FAM120B: variants seen among roughly 807,000 people sequenced by gnomAD.
The protein encoded by FAM120B is family with sequence similarity 120 member B.
Under a neutral mutation model 96.3 loss-of-function variants are expected in FAM120B, and 83 were observed. The observed-to-expected ratio is 0.86, with a 90% CI of 0.72 to 1.03. The LOEUF (loss-of-function observed/expected upper bound fraction) is 1.03, where lower values mean the gene tolerates loss of function less well. Among genes scored for constraint, FAM120B ranks in the 50% least tolerant of loss-of-function variants. The probability of loss-of-function intolerance (pLI) is 0.00; values close to 1 mark genes in which losing one functional copy is unlikely to be tolerated. For missense variants in FAM120B, 1,027 were observed against 1,121.2 expected, an observed-to-expected ratio of 0.92 and a Z score of 1.20; for synonymous variants, 407 against 402.7, an observed-to-expected ratio of 1.01 and a Z score of -0.13.
chr6:170,390,466 GT>G lies in FAM120B; in HGVS notation c.2491-545del, dbSNP rs560592371. Among the ~76,000 whole-genome samples, 456 of 151,052 alleles carry G rather than the reference GT, an allele frequency of 3.0e-3. 1 individual carries two copies. Among genetic ancestry groups the G allele is most frequent in the African/African-American group, 0.011 (433 of 41,144 alleles). On this transcript the variant is annotated intron_variant, in intron 7 of 10. Coordinates refer to ENST00000476287, the MANE Select transcript of FAM120B (RefSeq NM_032448.3). ...TTGACCAAGTTCCAAGTGATTATAC[GT>G]TCTAGTTTGGGAAAAAAAAAAAGTA...
At chr6:170,297,470 C>G (rs906290763) in intron 1 of FAM120B, among the ~76,000 whole-genome samples, 1 of 152,222 alleles carries the variant, frequency 6.6e-6, no homozygotes, top group Non-Finnish European at 1.5e-5. Flanking sequence ...ATATATTAAT[C>G]TGTACTCCCC....
chr6:170,386,644 G>A (rs770109212), intron 6 of FAM120B, among the ~76,000 whole-genome samples: 59 of 152,150 alleles, frequency 3.9e-4, no homozygotes, highest in Non-Finnish European at 8.1e-4. Context: ...AGGATCAGAG[G>A]GCTTCCCTGT....
chr6:170,386,232 G>C (rs150012503), intron 6 of FAM120B, among the ~76,000 whole-genome samples: 45 of 152,320 alleles, frequency 3.0e-4, no homozygotes, highest in African/African-American at 1.0e-3. Flanking sequence ...GGAAATCTCT[G>C]TACCTTCCTC....
intron 1 of FAM120B, among the ~76,000 whole-genome samples, chr6:170,311,594 G>A (rs953989855): frequency 6.6e-6 from 1 of 152,136 alleles, no homozygotes; most frequent in East Asian, 1.9e-4. Context: ...TTGTCTTAGA[G>A]CCCTAAACTA....
chr6:170,396,229 A>C (rs1341127087), intron 9 of FAM120B, among the ~76,000 whole-genome samples: 1 of 152,182 alleles, frequency 6.6e-6, no homozygotes, highest in Admixed American at 6.5e-5. Context: ...AACGTCTAAA[A>C]TGTGTAGAGA....
intron 6 of FAM120B, among the ~76,000 whole-genome samples, chr6:170,360,851 C>T (rs1327911443): frequency 6.6e-6 from 1 of 152,010 alleles, no homozygotes; most frequent in Non-Finnish European, 1.5e-5. Flanking sequence ...CTAGGTAGGG[C>T]AGAGTCACCA....
In FAM120B at chr6:170,381,272, C is replaced by T. The variant is rs1211410474; in HGVS notation, c.2284-7015C>T. On this transcript the variant is annotated intron_variant, in intron 6 of 10. Transcript: ENST00000476287. ...CACCATAAACAACTCTACACACATG[C>T]ATTCAACAACTTAGATGTAGGGGCC... Among the ~76,000 whole-genome samples the T allele has an allele frequency of 3.3e-5, 5 of 152,302 alleles. No homozygotes were observed. The South Asian group carries it at 8.3e-4, about 25-fold the overall frequency.
In FAM120B at chr6:170,361,235, T is replaced by TATATATACAC. The variant is rs1218513547; in HGVS notation, c.2283+2918_2283+2919insTATATACACA. Among the ~76,000 whole-genome samples the TATATATACAC allele has an allele frequency of 3.3e-5, 3 of 90,028 alleles. 1 individual carries two copies. In the East Asian group the frequency reaches 6.3e-3, roughly 189 times the overall value. The allele number at this position is 90,028 out of a possible 152,430, so 59.1% of individuals were successfully genotyped here. A position where few individuals can be genotyped will look rare whatever the true frequency, so the allele number is the denominator to read the frequency against. On this transcript the variant is annotated intron_variant, in intron 6 of 10. Transcript: ENST00000476287. ...ATATATATATATATATATATATATA[T>TATATATACAC]ACACGTATATATATATATACGTGTA...
intron 4 of FAM120B, among the ~76,000 whole-genome samples, chr6:170,347,237 C>A (rs773188922): frequency 1.3e-5 from 2 of 152,178 alleles, no homozygotes; most frequent in Non-Finnish European, 2.9e-5. Flanking sequence ...TCCCAGCCAG[C>A]CTTGAGCTTT....
intron 1 of FAM120B, among the ~76,000 whole-genome samples, chr6:170,316,610 AAGTC>A (rs1784916695): frequency 6.6e-6 from 1 of 152,244 alleles, no homozygotes; most frequent in African/African-American, 2.4e-5. Flanking sequence ...TTTCTCTGCA[AAGTC>A]AGTCAATCAC....
intron 3 of FAM120B, among the ~76,000 whole-genome samples, chr6:170,326,864 G>C (rs1282789553): frequency 1.3e-5 from 2 of 151,812 alleles, no homozygotes; most frequent in African/African-American, 4.8e-5. Flanking sequence ...TCAGCCTCTT[G>C]AGTAACTGAG....
At chr6:170,337,280 A>G (rs551311371) in intron 4 of FAM120B, among the ~76,000 whole-genome samples, 2 of 152,170 alleles carry the variant, frequency 1.3e-5, no homozygotes, top group African/African-American at 2.4e-5. Flanking sequence ...TTCTGCATCT[A>G]TTGAGATAAA....
At chr6:170,321,751 T>C (rs1426035220) in intron 2 of FAM120B, among the ~76,000 whole-genome samples, 3 of 152,230 alleles carry the variant, frequency 2.0e-5, no homozygotes, top group Admixed American at 6.5e-5. Context: ...GCTTTTCTTA[T>C]ATTGACTCAT....
upstream of FAM120B, among the ~76,000 whole-genome samples, chr6:170,292,629 G>T (rs1161822720): frequency 6.6e-6 from 1 of 152,220 alleles, no homozygotes; most frequent in African/African-American, 2.4e-5. This position sits in a 1 kb window ranked among gnomAD's most constrained non-coding sequence, Gnocchi z 6.6. Flanking sequence ...TAAGCAGAGG[G>T]AAAGTCTTCA....
At chr6:170,399,260 A>G (rs1778396841) in intron 9 of FAM120B, among the ~76,000 whole-genome samples, 1 of 146,142 alleles carries the variant, frequency 6.8e-6, no homozygotes, top group African/African-American at 2.6e-5. Flanking sequence ...GAAAGGTAGA[A>G]CTATGTCATA....
upstream of FAM120B, among the ~76,000 whole-genome samples, chr6:170,302,568 C>T (rs1242210992): frequency 6.6e-6 from 1 of 152,214 alleles, no homozygotes; most frequent in Non-Finnish European, 1.5e-5. Flanking sequence ...CAAGAGAAAC[C>T]TGTCCCAGAT....
intron 2 of FAM120B, 31 bp from the exon 3 acceptor site, chr6:170,323,048 A>G: frequency 6.4e-7 from 1 of 1,572,260 alleles, no homozygotes; most frequent in Non-Finnish European, 8.6e-7. Context: ...GTTTTTAAGG[A>G]GAAATTCAGT....
At position 170,321,141 on chromosome 6, in the gene FAM120B, A is replaced by C. The variant is rs1016301227; in HGVS notation, c.1735-1938A>C. Reference sequence around the variant, plus strand: ...GAGTTGTTCACATGGATTGAACTTAATTGTATCTTTGAAAACAATTTTGAA... The same window carrying C: ...GAGTTGTTCACATGGATTGAACTTACTTGTATCTTTGAAAACAATTTTGAA... On this transcript the variant is annotated intron_variant, in intron 2 of 10. Transcript: ENST00000476287. 4.6e-5 allele frequency among the ~76,000 whole-genome samples: 7 copies of C among 152,202 alleles called. No homozygotes were observed. In the East Asian group the frequency reaches 1.2e-3, roughly 25 times the overall value.
chr6:170,297,962 C>T (rs1182542121), intron 1 of FAM120B: 2 of 152,180 alleles, frequency 1.3e-5, no homozygotes, highest in African/African-American at 2.4e-5. Flanking sequence ...TAACATAAAT[C>T]TCAGATGTAA....
Sources: gnomAD v4.1 joint callset for allele counts (sites outside exome capture counted in the v4.1 genomes callset) on GRCh38, gnomAD v4.1.1 for gene constraint, Gnocchi (gnomAD v3.1) non-coding constraint, MANE v1.5 for transcripts, NCBI Gene and HGNC (gene_info 2026-07-23, HGNC 2026-07-21) for gene names.